Variants in TBXAS1 observed in about 807,000 individuals in gnomAD.
TBXAS1 encodes thromboxane-A synthase.
A neutral mutation model predicts 60.7 loss-of-function variants in TBXAS1; 48 were observed. The ratio of observed to expected loss-of-function variants is 0.79; its 90% CI spans 0.63 to 1.01. TBXAS1 has a LOEUF of 1.01. Among genes scored for constraint, TBXAS1 ranks in the 50% least tolerant of loss-of-function variants. The pLI, the probability that TBXAS1 is intolerant of heterozygous loss-of-function variation, is 0.00. For missense variants in TBXAS1, 685 were observed against 686.3 expected, an observed-to-expected ratio of 1.00 and a Z score of 0.02; for synonymous variants, 287 against 269.7, an observed-to-expected ratio of 1.06 and a Z score of -0.63.
intron 5 of TBXAS1, among the ~76,000 whole-genome samples, chr7:139,939,008 C>G (rs1808046506): frequency 1.3e-5 from 2 of 152,186 alleles, no homozygotes; most frequent in African/African-American, 4.8e-5. Context: ...GTCCAGAAAT[C>G]AAATGCATAG....
chr7:139,868,972 A>G (rs1029521048), intron 1 of TBXAS1, among the ~76,000 whole-genome samples: 11 of 151,332 alleles, frequency 7.3e-5, no homozygotes, highest in African/African-American at 2.7e-4. Flanking sequence ...TAATTTTTTT[A>G]CACTTTGTAG....
chr7:139,983,558 A>G (rs1047449298), intron 9 of TBXAS1, among the ~76,000 whole-genome samples: 3 of 152,236 alleles, frequency 2.0e-5, no homozygotes, highest in African/African-American at 7.2e-5. Flanking sequence ...ATGCCTGCAG[A>G]TGAGTAAACT....
At chr7:139,966,013 A>G (rs562348235) in intron 9 of TBXAS1, among the ~76,000 whole-genome samples, 2 of 152,236 alleles carry the variant, frequency 1.3e-5, no homozygotes, top group East Asian at 1.9e-4. Context: ...ATTTGCATGT[A>G]AAGTATGACT....
intron 4 of TBXAS1, among the ~76,000 whole-genome samples, chr7:139,935,934 A>G (rs970783338): frequency 6.6e-6 from 1 of 152,138 alleles, no homozygotes; most frequent in African/African-American, 2.4e-5. Context: ...AGTTGTCTCT[A>G]TGATGATGAC....
intron 2 of TBXAS1, among the ~76,000 whole-genome samples, chr7:139,874,060 A>G (rs900688624): frequency 6.6e-6 from 1 of 151,700 alleles, no homozygotes; most frequent in Non-Finnish European, 1.5e-5. Flanking sequence ...TTCTGTGTCC[A>G]TCACCTTTTC....
At chr7:139,991,789 A>G (rs1416686930) in intron 9 of TBXAS1, among the ~76,000 whole-genome samples, 2 of 152,212 alleles carry the variant, frequency 1.3e-5, no homozygotes, top group Non-Finnish European at 2.9e-5. Flanking sequence ...AAGAAAACCA[A>G]AAAAGGGTAA....
At chr7:139,911,010 AG>A (rs1357120466) in intron 3 of TBXAS1, among the ~76,000 whole-genome samples, 1 of 152,168 alleles carries the variant, frequency 6.6e-6, no homozygotes, top group Non-Finnish European at 1.5e-5. Flanking sequence ...GACCGGTGCA[AG>A]GTGGCATTCC....
At chr7:139,925,434 C>T (rs978556267) in intron 4 of TBXAS1, among the ~76,000 whole-genome samples, 1 of 151,966 alleles carries the variant, frequency 6.6e-6, no homozygotes, top group Non-Finnish European at 1.5e-5. Context: ...TTCTTGGCTT[C>T]TTTTTCAGAT....
chr7:140,017,918 G>T, intron 12 of TBXAS1, 85 bp downstream of exon 12: 1 of 1,585,076 alleles, frequency 6.3e-7, no homozygotes, highest in Non-Finnish European at 8.7e-7. Flanking sequence ...GGCCAGCCTG[G>T]GGGCAACATC....
chr7:139,819,468 T>C (rs888807847), intron 4 of TBXAS1, among the ~76,000 whole-genome samples: 11 of 152,144 alleles, frequency 7.2e-5, no homozygotes, highest in Non-Finnish European at 1.5e-5. Context: ...ACAACACTTA[T>C]GCTATTCATT....
chr7:139,853,635 G>A (rs1012139936), intron 1 of TBXAS1, among the ~76,000 whole-genome samples: 7 of 152,112 alleles, frequency 4.6e-5, no homozygotes, highest in African/African-American at 1.4e-4. Flanking sequence ...AGAGGCAGGG[G>A]CAGCCCCAGC....
chr7:139,945,007 A>G (rs1808588671), intron 5 of TBXAS1, among the ~76,000 whole-genome samples: 1 of 152,230 alleles, frequency 6.6e-6, no homozygotes, highest in Non-Finnish European at 1.5e-5. Flanking sequence ...TTTGTGGGAA[A>G]GCAACAAGCC....
chr7:140,019,499 G>A (rs900140421), intron 12 of TBXAS1, among the ~76,000 whole-genome samples: 1 of 152,110 alleles, frequency 6.6e-6, no homozygotes, highest in Non-Finnish European at 1.5e-5. Context: ...CAAGTGCTGG[G>A]GCCTGCAGCT....
intron 5 of TBXAS1, among the ~76,000 whole-genome samples, chr7:139,944,250 A>C (rs1392350285): frequency 6.6e-6 from 1 of 152,214 alleles, no homozygotes; most frequent in Non-Finnish European, 1.5e-5. Flanking sequence ...GAGAAGGTGC[A>C]TTGCAGGTGG....
Position 140,005,387 on chromosome 7 carries a change from C to G in TBXAS1, c.1135-1704C>G, listed in dbSNP as rs1004449940. 6.6e-5 allele frequency among the ~76,000 whole-genome samples: 10 copies of G among 152,092 alleles called. 1 individual carries two copies. The highest frequency in any genetic ancestry group is 3.9e-4 in the Admixed American group (6 of 15,278). ...GAGGATGCAGTGAGCCGAGATCACA[C>G]CACTGCACTCCAGCTTGGGCGACAG... is the stretch of plus-strand genomic sequence containing the variant. On this transcript the variant is annotated intron_variant, in intron 9 of 12. Transcript: ENST00000448866.
At chr7:139,966,967 C>T (rs998013258) in intron 9 of TBXAS1, among the ~76,000 whole-genome samples, 2 of 152,264 alleles carry the variant, frequency 1.3e-5, no homozygotes, top group Admixed American at 6.5e-5. Flanking sequence ...TCAGTGCCTT[C>T]CCTGCGGGGC....
At chr7:140,016,247 G>T (rs911927799) in intron 11 of TBXAS1, 21 of 338,520 alleles carry the variant, frequency 6.2e-5, no homozygotes, top group Admixed American at 1.3e-4. Flanking sequence ...AGAATGGCGT[G>T]AACCCAGGAG....
intron 3 of TBXAS1, among the ~76,000 whole-genome samples, chr7:139,885,571 G>A (rs1803028522): frequency 1.3e-5 from 2 of 152,114 alleles, no homozygotes; most frequent in South Asian, 2.1e-4. Flanking sequence ...AATTCTTAGG[G>A]CTCTTCACTC....
At chr7:139,830,435 T>TGGAAA (rs1285908301) in intron 1 of TBXAS1, among the ~76,000 whole-genome samples, 1 of 152,162 alleles carries the variant, frequency 6.6e-6, no homozygotes, top group Non-Finnish European at 1.5e-5. Flanking sequence ...TAGCTGAGAG[T>TGGAAA]GGAATTCACG....
Sources: gnomAD v4.1 joint callset for allele counts (sites outside exome capture counted in the v4.1 genomes callset) on GRCh38, gnomAD v4.1.1 for gene constraint, MANE v1.5 for transcripts, NCBI Gene and HGNC (gene_info 2026-07-23, HGNC 2026-07-21) for gene names.